AP2A1: variants seen among roughly 807,000 people sequenced by gnomAD.
AP2A1 encodes adaptor related protein complex 2 subunit alpha 1.
In AP2A1, 21 loss-of-function variants were observed where a neutral mutation model predicts 107.3. The observed-to-expected ratio is 0.20, with a 90% confidence interval of 0.14 to 0.28. AP2A1 has a LOEUF of 0.28. Among genes scored for constraint, AP2A1 ranks in the 10% least tolerant of loss-of-function variants. The pLI is 1.00. For missense variants in AP2A1, 873 were observed against 1,307.7 expected (o/e 0.67, Z 5.13); for synonymous variants, 602 against 564.8 (o/e 1.07, Z -0.93).
chr19:49,791,452 C>A (rs2073141615), intron 4 of AP2A1, among the ~76,000 whole-genome samples: 1 of 152,180 alleles, frequency 6.6e-6, no homozygotes, highest in South Asian at 2.1e-4. Context: ...GTCTTGAATT[C>A]ATGGCCTCAA....
At position 49,805,775 on chromosome 19, in the gene AP2A1, C is replaced by G; in HGVS notation, c.2583C>G (p.Ser861Arg). The change falls in exon 20 of 23, where the codon AGC becomes AGG. Residue 861 changes from serine to arginine, a missense_variant and splice_region_variant. By Grantham distance (110) the Ser-to-Arg change is moderately radical. Transcript: ENST00000354293. ...QDFFQRWKQL[S>R]LPQQEAQKIF... The stretch of plus-strand genomic sequence containing the variant: ...TCTTCCAGCGCTGGAAGCAGCTGAG[C>G]CTGTGAGGGGTGGGGAGGGGGCGGA... The G allele has an allele frequency of 7.0e-7, 1 of 1,425,102 alleles. No individual in the cohort carries two copies. The highest frequency in any genetic ancestry group is 9.4e-7 in the Non-Finnish European group (1 of 1,065,026). The allele number at this position is 1,425,102 out of a possible 1,614,324, so 88.3% of individuals were successfully genotyped here.
rs550885759 is a variant in AP2A1 at position 49,785,296 on chromosome 19, C to T, written c.473+2572C>T. ...GTCACCAGGTCCAGGTCAGAGCTCG[C>T]GGTGGCTTGGACCAGGGCTGTGGCG... On this transcript the variant is annotated intron_variant, in intron 4 of 22. Coordinates refer to ENST00000354293, the MANE Select transcript of AP2A1 (RefSeq NM_130787.3). This position sits in a 1 kb window ranked among gnomAD's most constrained non-coding sequence, Gnocchi z 4.1. 2.0e-5 allele frequency among the ~76,000 whole-genome samples: 3 copies of T among 152,196 alleles called. No homozygotes were observed. In the South Asian group the frequency reaches 6.3e-4, roughly 32 times the overall value.
chr19:49,806,847 G>A lies in AP2A1; in HGVS notation c.*89G>A. The stretch of plus-strand genomic sequence containing the variant: ...TGGTGGATGGGGGACCTCCACTGGT[G>A]ACAGAGAAGACACCAGGGTTTGGGG... On this transcript the variant is annotated 3_prime_UTR_variant, in exon 23 of 23. Transcript: ENST00000354293. The A allele has an allele frequency of 6.3e-7, 1 of 1,590,922 alleles. No homozygotes were observed. The highest frequency in any genetic ancestry group is 8.5e-7 in the Non-Finnish European group (1 of 1,171,544).
At chr19:49,802,875 CG>C in intron 15 of AP2A1, 73 bp from the exon 16 acceptor site, 1 of 1,504,768 alleles carries the variant, frequency 6.6e-7, no homozygotes, top group Non-Finnish European at 9.1e-7. Flanking sequence ...GGCTTGTTCT[CG>C]CACTCAATCG....
Position 49,767,168 on chromosome 19 carries a change from G to T in AP2A1, c.35G>T (p.Gly12Val). 6.2e-7 allele frequency: 1 copy of T among 1,612,010 alleles called. No individual in the cohort carries two copies. Residue 12 changes from glycine (G) to valine (V), a missense_variant, in exon 1 of 23, where the codon GGG (glycine) becomes GTG (valine). Physicochemically the swap from Gly to Val is moderately radical, Grantham distance 109. Around this residue, in one of 4 missense-constraint regions of AP2A1, gnomAD observed 87 missense variants for 178.2 expected, o/e 0.49. Transcript: ENST00000354293. ...PAVSKGDGMR[G>V]LAVFISDIRN... ...GTGTCCAAGGGCGATGGGATGCGGG[G>T]GCTCGCGGTGTTCATCTCCGACATC...
At position 49,802,257 on chromosome 19, in the gene AP2A1, C is replaced by A. The variant is rs756832753; in HGVS notation, c.2114+116C>A. 6.6e-6 allele frequency: 6 copies of A among 913,766 alleles called. No homozygotes were observed. The South Asian group carries it at 8.4e-5, about 13-fold the overall frequency. The allele number at this position is 913,766 out of a possible 1,614,324, so 56.6% of individuals were successfully genotyped here. On this transcript the variant is annotated intron_variant, in intron 15 of 22. Transcript: ENST00000354293. ...CCCGCCCCCGACTCGCTCCTCTCTC[C>A]ATCCTGATGCCTTCGCCAGCCCTGG...
At chr19:49,790,296 C>T (rs1220225757) in intron 4 of AP2A1, among the ~76,000 whole-genome samples, 1 of 152,200 alleles carries the variant, frequency 6.6e-6, no homozygotes, top group Non-Finnish European at 1.5e-5. Context: ...GTTCCATCCT[C>T]ACATCATCTC....
At chr19:49,795,977 C>T (rs547255275) in intron 7 of AP2A1, 66 of 537,622 alleles carry the variant, frequency 1.2e-4, no homozygotes, top group Non-Finnish European at 1.7e-4. Flanking sequence ...CCCTGCTACC[C>T]GGGCTCTCAC....
chr19:49,791,375 C>T (rs1257397291), intron 4 of AP2A1, among the ~76,000 whole-genome samples: 5 of 151,984 alleles, frequency 3.3e-5, no homozygotes, highest in Admixed American at 2.6e-4. Context: ...GATTACAAGC[C>T]TGCGCCACCA....
chr19:49,786,160 T>C (rs563097170), intron 4 of AP2A1, among the ~76,000 whole-genome samples: 5 of 132,090 alleles, frequency 3.8e-5, no homozygotes, highest in African/African-American at 1.4e-4. Flanking sequence ...GATGGGAGGA[T>C]TGCTTGAGCT....
rs140790948 is a variant in AP2A1 at position 49,769,283 on chromosome 19, G to C, written c.67+2083G>C. 3.1e-3 allele frequency among the ~76,000 whole-genome samples: 478 copies of C among 152,148 alleles called. 22 individuals carry two copies. The East Asian group carries it at 0.082, about 26-fold the overall frequency. On this transcript the variant is annotated intron_variant, in intron 1 of 22. Transcript: ENST00000354293. ...TAAAAAAAAAGAAAAAGAAACTCCT[G>C]TCCTTGGGAGCTCCCTTCCCCGAGG... is the stretch of plus-strand genomic sequence containing the variant.
intron 8 of AP2A1, 62 bp from the exon 9 acceptor site, chr19:49,799,265 A>T (rs1168157690): frequency 9.0e-6 from 14 of 1,559,994 alleles, no homozygotes; most frequent in African/African-American, 4.0e-5. Context: ...CTGGGGCCCG[A>T]GTCCTCCACC....
At position 49,806,760 on chromosome 19, in the gene AP2A1, C is replaced by T. The variant is rs189323576; in HGVS notation, c.*2C>T. On this transcript the variant is annotated 3_prime_UTR_variant, in exon 23 of 23. Transcript: ENST00000354293. ...GAGCTGCTGGCACAGCAGTTCTGAG[C>T]CCTGGACTCTGCCCCGGGGGATGTG... 1,407 of 1,613,778 alleles carry T rather than the reference C, an allele frequency of 8.7e-4. 14 individuals are homozygous for T. The African/African-American group carries it at 0.017, about 19-fold the overall frequency.
chr19:49,794,449 G>A (rs1012669518), intron 6 of AP2A1, among the ~76,000 whole-genome samples: 11 of 151,956 alleles, frequency 7.2e-5, no homozygotes, highest in African/African-American at 1.7e-4. Context: ...TGATCCTCCC[G>A]CCTCAGCCTC....
intron 18 of AP2A1, chr19:49,803,765 C>T (rs541482482): frequency 3.5e-4 from 112 of 317,340 alleles, no homozygotes; most frequent in Non-Finnish European, 6.3e-4. Flanking sequence ...CACTTTGCCT[C>T]TCTGGGCTCT....
chr19:49,801,335 TTTC>T, intron 12 of AP2A1, 52 bp from the exon 13 acceptor site: 9 of 1,540,914 alleles, frequency 5.8e-6, no homozygotes, highest in Non-Finnish European at 8.0e-6. Flanking sequence ...CTCGAGGGGG[TTTC>T]TGGGAGAGGG....
intron 1 of AP2A1, among the ~76,000 whole-genome samples, chr19:49,771,923 G>C (rs1007268993): frequency 3.9e-5 from 6 of 152,046 alleles, no homozygotes; most frequent in African/African-American, 1.4e-4. Flanking sequence ...GCAGAGGCGG[G>C]GCAAGTGCAA....
At chr19:49,800,856 C>T (rs2073269849) in intron 11 of AP2A1, 105 bp from the exon 12 acceptor site, 1 of 918,822 alleles carries the variant, frequency 1.1e-6, no homozygotes, top group Admixed American at 2.8e-5. Flanking sequence ...ACCCCACCTG[C>T]AGCAGAGCTT....
At chr19:49,794,989 C>T (rs2073193798) in intron 6 of AP2A1, among the ~76,000 whole-genome samples, 1 of 152,214 alleles carries the variant, frequency 6.6e-6, no homozygotes, top group Non-Finnish European at 1.5e-5. Context: ...TCACTAATTC[C>T]CTGCCTCTTC....
Sources: allele counts gnomAD v4.1 joint callset (sites outside exome capture counted in the v4.1 genomes callset), GRCh38; gene constraint gnomAD v4.1.1; regional missense constraint gnomAD v4.1.1; non-coding constraint Gnocchi (gnomAD v3.1); transcripts MANE v1.5; gene names NCBI Gene and HGNC (gene_info 2026-07-23, HGNC 2026-07-21).